Variants in UNC45A observed in about 807,000 individuals in gnomAD.
UNC45A encodes the protein unc-45 myosin chaperone A.
Under a neutral mutation model 103.2 loss-of-function variants are expected in UNC45A, and 78 were observed. The observed-to-expected ratio is 0.76, with a 90% CI of 0.63 to 0.91. The LOEUF is 0.91. Ranked by LOEUF, UNC45A falls within the 40% of genes least tolerant of loss-of-function variation. UNC45A has a pLI of 0.00. For missense variants in UNC45A, 1,193 were observed against 1,224.8 expected, an observed-to-expected ratio of 0.97 and a Z score of 0.39; for synonymous variants, 495 against 504.6, an observed-to-expected ratio of 0.98 and a Z score of 0.25.
In UNC45A at chr15:90,953,054, T is replaced by G; in HGVS notation, c.2421+8T>G. 1.2e-6 allele frequency: 2 copies of G among 1,612,962 alleles called. No individual in the cohort carries two copies. The highest frequency in any genetic ancestry group is 1.7e-6 in the Non-Finnish European group (2 of 1,179,634). ...TTGGCCATGAGCAAGGAGGTGAGGG[T>G]TGGTCTGGGTGCTCATGACAGGCGG... On this transcript the variant is annotated splice_region_variant and intron_variant, in intron 18 of 19. Coordinates refer to ENST00000418476, the MANE Select transcript of UNC45A (RefSeq NM_018671.5).
At position 90,946,670 on chromosome 15, in the gene UNC45A, C is replaced by A. The variant is rs979245668; in HGVS notation, c.1256C>A (p.Ser419Tyr). ...AGKLRAIQTV[S>Y]CLLQGPCDAG... is the part of the protein sequence containing the mutation. ...AAGCTACGGGCCATCCAGACGGTGT[C>A]CTGCCTCCTGCAGGGCCCATGTGAC... The change falls in exon 10 of 20, where the codon TCC becomes TAC. Residue 419 changes from serine (S) to tyrosine (Y), a missense_variant. Transcript: ENST00000418476. 1.9e-6 allele frequency: 3 copies of A among 1,612,270 alleles called. No homozygotes were observed. Among genetic ancestry groups the A allele is most frequent in the Non-Finnish European group, 2.5e-6 (3 of 1,179,966 alleles).
At chr15:90,934,887 G>C (rs2035922848), upstream of UNC45A, 1 of 444,558 alleles carries the variant, frequency 2.2e-6, no homozygotes, top group African/African-American at 2.0e-5. Context: ...CCCCCACAGA[G>C]CGCAGCAGCG....
At chr15:90,948,070 T>C in intron 11 of UNC45A, 72 bp from the exon 12 acceptor site, 3 of 1,594,144 alleles carry the variant, frequency 1.9e-6, no homozygotes, top group Non-Finnish European at 2.6e-6. Context: ...CCTTGGTTTT[T>C]CCCCCTTGGC....
intron 6 of UNC45A, among the ~76,000 whole-genome samples, chr15:90,941,696 A>T (rs1188075671): frequency 6.6e-6 from 1 of 152,060 alleles, no homozygotes; most frequent in Non-Finnish European, 1.5e-5. Context: ...GCGGTGGCTC[A>T]TGCCTGTAAT....
rs140117452 is a variant in UNC45A, at chr15:90,946,767, G to C, written c.1353G>C (p.Glu451Asp). The change falls in exon 10 of 20, where the codon GAG becomes GAC. Residue 451 changes from glutamate (E) to aspartate (D), a missense_variant. By Grantham distance (45) the Glu-to-Asp change is conservative. Coordinates refer to ENST00000418476, the MANE Select transcript of UNC45A (RefSeq NM_018671.5). ...TTGCTCTGTGTGCCTCTGAGCAGGA[G>C]GAGGAGCAGCTGGTGGCCGTGGAGG... ...SVIALCASEQ[E>D]EEQLVAVEAL... 1.7e-4 allele frequency: 278 copies of C among 1,614,086 alleles called. No homozygotes were observed. Among genetic ancestry groups the C allele is most frequent in the Non-Finnish European group, 2.1e-4 (253 of 1,180,052 alleles).
chr15:90,934,859 C>T, upstream of UNC45A: 2 of 419,836 alleles, frequency 4.8e-6, no homozygotes, highest in Non-Finnish European at 8.4e-6. Flanking sequence ...TTTCTCCGGA[C>T]TCCCAGGGAT....
At chr15:90,944,124 C>A (rs758744401) in intron 8 of UNC45A, among the ~76,000 whole-genome samples, 1 of 151,128 alleles carries the variant, frequency 6.6e-6, no homozygotes, top group Admixed American at 6.6e-5. Flanking sequence ...TGGTGCCTCA[C>A]GCCTATAATC....
intron 7 of UNC45A, 106 bp from the exon 8 acceptor site, chr15:90,942,806 T>A: frequency 6.7e-7 from 1 of 1,498,842 alleles, no homozygotes; most frequent in Non-Finnish European, 9.0e-7. Context: ...GAGCCTGGGA[T>A]GCGGATCCCC....
At chr15:90,938,734 G>A (rs558656767) in intron 4 of UNC45A, among the ~76,000 whole-genome samples, 2 of 152,208 alleles carry the variant, frequency 1.3e-5, no homozygotes, top group African/African-American at 4.8e-5. Context: ...GGAGTGCAGT[G>A]GATCTCTGCT....
intron 6 of UNC45A, chr15:90,940,973 CAA>C (rs917805691): frequency 6.6e-6 from 1 of 152,014 alleles, no homozygotes; most frequent in Non-Finnish European, 1.5e-5. Context: ...ATACATGTAA[CAA>C]GAGAGAAAAA....
intron 9 of UNC45A, 71 bp from the exon 10 acceptor site, chr15:90,946,543 A>T: frequency 6.8e-7 from 1 of 1,469,596 alleles, no homozygotes. Context: ...TGGCCAGTGG[A>T]GGGGAAGGGA....
chr15:90,931,617 A>C (rs1019053188), upstream of UNC45A: 22 of 1,613,914 alleles, frequency 1.4e-5, no homozygotes, highest in African/African-American at 2.8e-4. Context: ...AAGAATGCCC[A>C]GGGTTTTTCA....
Position 90,946,958 on chromosome 15 carries a change from G to T in UNC45A, c.1500+44G>T, listed in dbSNP as rs753401999. Reference sequence around the variant, plus strand: ...GGTGGGTGGGCAGGCAGCCAGGCAGGGGTCCTGGTCCAGCCGGTGTTGCAG... The same window carrying T: ...GGTGGGTGGGCAGGCAGCCAGGCAGTGGTCCTGGTCCAGCCGGTGTTGCAG... On this transcript the variant is annotated intron_variant, in intron 10 of 19. Coordinates refer to ENST00000418476, the MANE Select transcript of UNC45A (RefSeq NM_018671.5). The T allele has an allele frequency of 3.8e-6, 6 of 1,569,660 alleles. No individual in the cohort carries two copies. In the South Asian group the frequency reaches 6.0e-5, roughly 16 times the overall value.
intron 13 of UNC45A, 81 bp downstream of exon 13, chr15:90,948,875 CTTTTTTTTT>C: frequency 4.1e-6 from 4 of 985,238 alleles, no homozygotes; most frequent in South Asian, 2.0e-5. Context: ...AACAACCTCC[CTTTTTTTTT>C]TTTTTTTTTT....
chr15:90,932,091 G>A (rs1406650350), upstream of UNC45A: 3 of 1,605,382 alleles, frequency 1.9e-6, no homozygotes, highest in Non-Finnish European at 2.6e-6. Context: ...CCGCCTCGTG[G>A]GTCAGGATCC....
At chr15:90,950,811 C>T (rs1052101425) in intron 17 of UNC45A, among the ~76,000 whole-genome samples, 196 bp downstream of exon 17, 5 of 152,222 alleles carry the variant, frequency 3.3e-5, no homozygotes, top group South Asian at 2.1e-4. Flanking sequence ...CAGACTGCCT[C>T]GCTTCCCTGA....
chr15:90,934,881 C>A (rs984497910), upstream of UNC45A: 17 of 438,994 alleles, frequency 3.9e-5, no homozygotes, highest in Middle Eastern at 5.6e-4. Flanking sequence ...CTGTACCCCC[C>A]ACAGAGCGCA....
upstream of UNC45A, chr15:90,931,111 G>T: frequency 1.3e-6 from 1 of 782,456 alleles, no homozygotes; most frequent in Non-Finnish European, 2.0e-6. Flanking sequence ...GCTCAGCTTA[G>T]TTAGCAGGAG....
upstream of UNC45A, chr15:90,934,879 C>T (rs188563182): frequency 7.3e-5 from 32 of 436,884 alleles, no homozygotes; most frequent in Admixed American, 6.8e-4. Context: ...TTCTGTACCC[C>T]CCACAGAGCG....
Sources: gnomAD v4.1 joint callset for allele counts (sites outside exome capture counted in the v4.1 genomes callset) on GRCh38, gnomAD v4.1.1 for gene constraint, MANE v1.5 for transcripts, NCBI Gene and HGNC (gene_info 2026-07-23, HGNC 2026-07-21) for gene names.